S100A6: variants seen among roughly 807,000 people sequenced by gnomAD.
S100A6 encodes protein S100-A6.
S100A6 carries 3 observed loss-of-function variants against 3.5 expected under a neutral mutation model. The ratio of observed to expected loss-of-function variants is 0.87; its 90% CI spans 0.39 to 2.24. The LOEUF is 2.24. Among genes scored for constraint, S100A6 ranks in the 30% most tolerant of loss-of-function variants. The pLI, the probability that S100A6 is intolerant of heterozygous loss-of-function variation, is 0.05. For missense variants in S100A6, 114 were observed against 105.3 expected, an observed-to-expected ratio of 1.08 and a Z score of -0.36; for synonymous variants, 48 against 45.2, an observed-to-expected ratio of 1.06 and a Z score of -0.25.
chr1:153,534,997 G>T, intron 2 of S100A6, 167 bp from the exon 3 acceptor site: 2 of 1,105,420 alleles, frequency 1.8e-6, no homozygotes, highest in Non-Finnish European at 2.6e-6. Flanking sequence ...TCAGTTACTG[G>T]TCCTCATTTG....
chr1:153,535,413 A>C, intron 1 of S100A6, 53 bp from the exon 2 acceptor site: 2 of 1,575,358 alleles, frequency 1.3e-6, no homozygotes, highest in Non-Finnish European at 1.7e-6. Context: ...TCTCACCCAC[A>C]CACCCCAATA....
chr1:153,535,288 T>C lies in S100A6; in HGVS notation c.52A>G (p.Lys18Glu). Residue 18 changes from lysine to glutamate, a missense_variant, in exon 2 of 3, where the codon AAG (lysine) becomes GAG (glutamate). Physicochemically the swap from Lys to Glu is moderately conservative, Grantham distance 56. Transcript: ENST00000368719. The stretch of plus-strand genomic sequence containing the variant: ...TTGTCACCCTCCCTGCCGGAGTACT[T>C]GTGGAAGATGGCCACGAGGAGGCCA... ...AIGLLVAIFHKYSGREGDKHT... is the reference protein window; with the variant it reads ...AIGLLVAIFHEYSGREGDKHT... 1 of 1,614,152 alleles carries C rather than the reference T, an allele frequency of 6.2e-7. No individual in the cohort carries two copies. The highest frequency in any genetic ancestry group is 1.3e-5 in the African/African-American group (1 of 75,024).
In S100A6 at chr1:153,535,975, C is replaced by A. The variant is rs958841324; in HGVS notation, c.-48G>T. On this transcript the variant is annotated 5_prime_UTR_variant, in exon 1 of 3. Transcript: ENST00000368719. ...GGTAGGGAGGCGGCCAAATGCGACG[C>A]GAGCGGTCGAGGGGATGGGCTGTGT... 4.6e-5 allele frequency: 7 copies of A among 152,396 alleles called. No homozygotes were observed. Among genetic ancestry groups the A allele is most frequent in the African/African-American group, 1.7e-4 (7 of 41,450 alleles). 9.4% of individuals were successfully genotyped at this position (152,396 alleles called of 1,614,324 possible).
rs769535098 is a variant in S100A6, at chr1:153,535,306, G to C, written c.34C>G (p.Leu12Val). The C allele has an allele frequency of 6.2e-7, 1 of 1,614,158 alleles. No individual in the cohort carries two copies. Among genetic ancestry groups the C allele is most frequent in the South Asian group, 1.1e-5 (1 of 91,080 alleles). ...GAGTACTTGTGGAAGATGGCCACGAGGAGGCCAATGGCCTGATCCAGGGGG... is the reference window on the plus strand; with the variant it reads ...GAGTACTTGTGGAAGATGGCCACGACGAGGCCAATGGCCTGATCCAGGGGG... Reference protein sequence around the residue: ...ACPLDQAIGLLVAIFHKYSGR... With the variant: ...ACPLDQAIGLVVAIFHKYSGR... Residue 12 changes from leucine to valine, a missense_variant, in exon 2 of 3, where the codon CTC becomes GTC. Coordinates refer to ENST00000368719, the MANE Select transcript of S100A6 (RefSeq NM_014624.4).
chr1:153,535,139 C>A, intron 2 of S100A6, 63 bp downstream of exon 2: 1 of 1,603,542 alleles, frequency 6.2e-7, no homozygotes, highest in Non-Finnish European at 8.5e-7. Context: ...ACCTCTCTCT[C>A]CCCTAATCCT....
intron 1 of S100A6, chr1:153,535,643 T>G (rs770393490): frequency 6.4e-5 from 19 of 294,656 alleles, no homozygotes; most frequent in Non-Finnish European, 1.2e-4. Flanking sequence ...GGAGTATGGC[T>G]GGGCAGGGGA....
intron 1 of S100A6, among the ~76,000 whole-genome samples, chr1:153,535,609 T>A (rs1665160708): frequency 6.6e-6 from 1 of 152,184 alleles, no homozygotes; most frequent in East Asian, 1.9e-4. Flanking sequence ...CTGAGAACTG[T>A]CCTTCAGGGG....
intron 2 of S100A6, 81 bp from the exon 3 acceptor site, chr1:153,534,911 T>A: frequency 6.5e-7 from 1 of 1,529,978 alleles, no homozygotes; most frequent in Non-Finnish European, 8.8e-7. Context: ...CAGGCAATCC[T>A]CTCTGCAAGT....
In S100A6 at chr1:153,534,865, G is replaced by A. The variant is rs181787815; in HGVS notation, c.139-35C>T. 3.1e-6 allele frequency: 5 copies of A among 1,597,244 alleles called. No individual in the cohort carries two copies. In the Admixed American group the frequency reaches 6.9e-5, roughly 22 times the overall value. ...TAGAATGTGAAATCCATACTCAGTG[G>A]TGATGACAACCCTGGATTCTTCCCC... On this transcript the variant is annotated intron_variant, in intron 2 of 2. Transcript: ENST00000368719.
At chr1:153,535,414 C>A in intron 1 of S100A6, 54 bp from the exon 2 acceptor site, 1 of 1,575,924 alleles carries the variant, frequency 6.3e-7, no homozygotes, top group Non-Finnish European at 8.6e-7. Context: ...CTCACCCACA[C>A]ACCCCAATAA....
At chr1:153,534,872 C>A (rs1311262474) in intron 2 of S100A6, 42 bp from the exon 3 acceptor site, 1 of 1,590,146 alleles carries the variant, frequency 6.3e-7, no homozygotes, top group Non-Finnish European at 8.6e-7. Flanking sequence ...GTGGTGATGA[C>A]AACCCTGGAT....
Position 153,534,790 on chromosome 1 carries a change from A to C in S100A6, c.179T>G (p.Leu60Trp), listed in dbSNP as rs891597263. 13 of 1,613,972 alleles carry C rather than the reference A, an allele frequency of 8.1e-6. No individual in the cohort carries two copies. The highest frequency in any genetic ancestry group is 1.1e-5 in the Non-Finnish European group (13 of 1,179,978). ...CACCTCCTGGTCCTTGTTCCGGTCC[A>C]AGTCTTCCATCAGCCTTGCAATTTC... ...DAEIARLMED[L>W]DRNKDQEVNF... is the part of the protein sequence containing the mutation. The change falls in exon 3 of 3, where the codon TTG becomes TGG. Residue 60 changes from leucine to tryptophan, a missense_variant. By Grantham distance (61) the Leu-to-Trp change is moderately conservative (BLOSUM62 -2). Transcript: ENST00000368719.
chr1:153,535,192 G>A lies in S100A6; in HGVS notation c.138+10C>T, dbSNP rs376780696. Reference sequence around the variant, plus strand: ...GTGGGAAAAGGGGTCCTGGGGAGGAGGCCACTCACCGAGCCAATGGTGAGC... The same window carrying A: ...GTGGGAAAAGGGGTCCTGGGGAGGAAGCCACTCACCGAGCCAATGGTGAGC... On this transcript the variant is annotated intron_variant, in intron 2 of 2. Transcript: ENST00000368719. 2.2e-5 allele frequency: 36 copies of A among 1,614,050 alleles called. No individual in the cohort carries two copies. The African/African-American group carries it at 2.3e-4, about 10-fold the overall frequency.
At position 153,534,787 on chromosome 1, in the gene S100A6, TC is replaced by T. The variant is rs2101678002; in HGVS notation, c.181del (p.Asp61ThrfsTer8). 3 of 1,613,932 alleles carry T rather than the reference TC, an allele frequency of 1.9e-6. No homozygotes were observed. The highest frequency in any genetic ancestry group is 3.3e-4 in the Middle Eastern group (2 of 5,980). ...AEIARLMEDL[D>X]RNKDQEVNFQ... ...GTTCACCTCCTGGTCCTTGTTCCGG[TC>T]CAAGTCTTCCATCAGCCTTGCAATT... On this transcript the variant is annotated frameshift_variant, in exon 3 of 3. Coordinates refer to ENST00000368719, the MANE Select transcript of S100A6 (RefSeq NM_014624.4). LOFTEE classifies it low-confidence loss of function (END_TRUNC).
Position 153,535,124 on chromosome 1 carries a change from C to T in S100A6, c.138+78G>A. On this transcript the variant is annotated intron_variant, in intron 2 of 2. Transcript: ENST00000368719. ...GTGGGTAAATGTGAGTCAGATGCAC[C>T]TGGCACCTCTCTCTCCCCTAATCCT... The T allele has an allele frequency of 3.2e-6, 5 of 1,580,634 alleles. No homozygotes were observed. The Admixed American group carries it at 6.8e-5, about 22-fold the overall frequency.
chr1:153,534,879 G>A, intron 2 of S100A6, 49 bp from the exon 3 acceptor site: 3 of 1,578,468 alleles, frequency 1.9e-6, no homozygotes, highest in Non-Finnish European at 2.6e-6. Flanking sequence ...TGACAACCCT[G>A]GATTCTTCCC....
Position 153,534,673 on chromosome 1 carries a change from G to A in S100A6, c.*23C>T. The A allele has an allele frequency of 6.3e-7, 1 of 1,578,346 alleles. No homozygotes were observed. The highest frequency in any genetic ancestry group is 1.7e-4 in the Middle Eastern group (1 of 5,908). Reference sequence around the variant, plus strand: ...GACTCAGAGAGGACCCCCAGAGGGTGTCTCCATCTTCCCTATTTATTTTCA... The same window carrying A: ...GACTCAGAGAGGACCCCCAGAGGGTATCTCCATCTTCCCTATTTATTTTCA... On this transcript the variant is annotated 3_prime_UTR_variant, in exon 3 of 3. Coordinates refer to ENST00000368719, the MANE Select transcript of S100A6 (RefSeq NM_014624.4).
In S100A6 at chr1:153,534,771, C is replaced by T. The variant is rs769838616; in HGVS notation, c.198G>A (p.Gln66=). ...TGACATACTCCTGGAAGTTCACCTC[C>T]TGGTCCTTGTTCCGGTCCAAGTCTT... is the stretch of plus-strand genomic sequence containing the variant. ...LMEDLDRNKD[Q]EVNFQEYVTF... is the part of the protein sequence containing the mutation. The change falls in exon 3 of 3, where the codon CAG becomes CAA. Residue 66 remains glutamine (Q), a synonymous_variant. Transcript: ENST00000368719. 1.2e-6 allele frequency: 2 copies of T among 1,614,092 alleles called. No homozygotes were observed. The highest frequency in any genetic ancestry group is 2.2e-5 in the South Asian group (2 of 91,074).
In S100A6 at chr1:153,535,262, C is replaced by T; in HGVS notation, c.78G>A (p.Lys26=). 2 of 1,614,154 alleles carry T rather than the reference C, an allele frequency of 1.2e-6. No homozygotes were observed. Among genetic ancestry groups the T allele is most frequent in the Non-Finnish European group, 1.7e-6 (2 of 1,180,024 alleles). ...TCAGCTCCTTCTTGCTCAGGGTGTG[C>T]TTGTCACCCTCCCTGCCGGAGTACT... ...FHKYSGREGD[K]HTLSKKELKE... is the part of the protein sequence containing the mutation. Residue 26 remains lysine (K), a synonymous_variant, in exon 2 of 3, where the codon AAG becomes AAA. Coordinates refer to ENST00000368719, the MANE Select transcript of S100A6 (RefSeq NM_014624.4).
Sources: allele counts gnomAD v4.1 joint callset (sites outside exome capture counted in the v4.1 genomes callset), GRCh38; gene constraint gnomAD v4.1.1; transcripts MANE v1.5; gene names NCBI Gene and HGNC (gene_info 2026-07-23, HGNC 2026-07-21).